The following CTXND1 variants were observed in gnomAD, a reference collection of about 807,000 sequenced individuals.
CTXND1 encodes cortexin domain-containing 1 protein.
chr15:80,230,885 C>T lies in CTXND1; in HGVS notation c.-218+21122G>A, dbSNP rs7170527. Among the ~76,000 whole-genome samples the T allele has an allele frequency of 3.0e-4, 45 of 151,772 alleles. 1 individual carries two copies. Among genetic ancestry groups the T allele is most frequent in the Admixed American group, 3.0e-3 (45 of 15,248 alleles). On this transcript the variant is annotated intron_variant, in intron 1 of 2. Transcript: ENST00000560778. ...CCAGCCTGGCCAACATGTTGAAACCCCATCTCTACTAAAAATACAAAAATT... is the reference window on the plus strand; with the variant it reads ...CCAGCCTGGCCAACATGTTGAAACCTCATCTCTACTAAAAATACAAAAATT...
rs1318495574 is a variant in CTXND1 at position 80,201,286 on chromosome 15, T to G, written c.*484A>C. The G allele has an allele frequency of 6.5e-6, 1 of 152,954 alleles. No homozygotes were observed. The highest frequency in any genetic ancestry group is 6.5e-5 in the Admixed American group (1 of 15,300). 9.5% of individuals were successfully genotyped at this position (152,954 alleles called of 1,614,324 possible). On this transcript the variant is annotated 3_prime_UTR_variant, in exon 3 of 3. Transcript: ENST00000560778. ...CCCTCAACCCGCTTTCCCCCCTCAC[T>G]GCCACACCACTGCTAGTCCATGGGG...
Position 80,201,481 on chromosome 15 carries a change from C to A in CTXND1, c.*289G>T, listed in dbSNP as rs11636963. The stretch of plus-strand genomic sequence containing the variant: ...GCCCAGGAACCTGGGAAGGTGACTA[C>A]CCTATCATCTCACAGGGACTCCCCA... On this transcript the variant is annotated 3_prime_UTR_variant, in exon 3 of 3. Coordinates refer to ENST00000560778, the MANE Select transcript of CTXND1 (RefSeq NM_001352888.2). The A allele has an allele frequency of 0.052, 15,710 of 300,560 alleles. 545 individuals are homozygous for A. Among genetic ancestry groups the A allele is most frequent in the Non-Finnish European group, 0.073 (11,929 of 163,948 alleles). The allele number at this position is 300,560 out of a possible 1,614,324, so 18.6% of individuals were successfully genotyped here.
chr15:80,246,101 T>A (rs1893625399), intron 1 of CTXND1, among the ~76,000 whole-genome samples: 1 of 152,152 alleles, frequency 6.6e-6, no homozygotes, highest in Non-Finnish European at 1.5e-5. Flanking sequence ...GTAATTTGTA[T>A]AATGAGAAAA....
At chr15:80,221,688 C>T (rs760774663) in intron 1 of CTXND1, among the ~76,000 whole-genome samples, 11 of 152,078 alleles carry the variant, frequency 7.2e-5, no homozygotes, top group Non-Finnish European at 1.3e-4. Context: ...CTAAAGGTGA[C>T]AGTTTAGTAA....
In CTXND1 at chr15:80,201,074, C is replaced by T. The variant is rs1329562501; in HGVS notation, c.*696G>A. Reference sequence around the variant, plus strand: ...AGAAAATATATCAAAATGGTGGTTTCCGGGAGGTGGGATTATAAGTGTTAT... The same window carrying T: ...AGAAAATATATCAAAATGGTGGTTTTCGGGAGGTGGGATTATAAGTGTTAT... On this transcript the variant is annotated 3_prime_UTR_variant, in exon 3 of 3. Transcript: ENST00000560778. The T allele has an allele frequency of 6.6e-6, 1 of 152,142 alleles. No homozygotes were observed. Among genetic ancestry groups the T allele is most frequent in the Admixed American group, 6.5e-5 (1 of 15,274 alleles). The allele number at this position is 152,142 out of a possible 1,614,324, so 9.4% of individuals were successfully genotyped here. A position where few individuals can be genotyped will look rare whatever the true frequency, so the allele number is the denominator to read the frequency against.
At chr15:80,235,295 GT>G (rs1174669975) in intron 1 of CTXND1, among the ~76,000 whole-genome samples, 1 of 152,168 alleles carries the variant, frequency 6.6e-6, no homozygotes, top group African/African-American at 2.4e-5. Flanking sequence ...TAGGGTAAAT[GT>G]TTTTCTCTCC....
In CTXND1 at chr15:80,208,364, A is replaced by G. The variant is rs149551641; in HGVS notation, c.-217-4624T>C. 9.0e-4 allele frequency among the ~76,000 whole-genome samples: 137 copies of G among 152,348 alleles called. 1 individual carries two copies. The highest frequency in any genetic ancestry group is 3.1e-3 in the African/African-American group (130 of 41,580). On this transcript the variant is annotated intron_variant, in intron 1 of 2. Transcript: ENST00000560778. ...AATATGATATCATTTATGTAAAATA[A>G]AAAGAAACTATAAATTTTTTATGTA...
chr15:80,220,913 T>TTA (rs1491304908), intron 1 of CTXND1, among the ~76,000 whole-genome samples: 3 of 87,002 alleles, frequency 3.4e-5, no homozygotes, highest in Middle Eastern at 7.4e-3. Flanking sequence ...ATTATTATTA[T>TTA]TTTTTTTTTT....
chr15:80,222,008 A>T (rs1893324590), intron 1 of CTXND1, among the ~76,000 whole-genome samples: 1 of 152,198 alleles, frequency 6.6e-6, no homozygotes, highest in South Asian at 2.1e-4. Flanking sequence ...ATATGTGTGT[A>T]TACATAGTCA....
At chr15:80,241,489 C>G (rs995084070) in intron 1 of CTXND1, among the ~76,000 whole-genome samples, 3 of 152,130 alleles carry the variant, frequency 2.0e-5, no homozygotes, top group African/African-American at 4.8e-5. Flanking sequence ...GAACTGAGGA[C>G]CCCCTTTTGG....
At chr15:80,250,028 A>G (rs1245622718) in intron 1 of CTXND1, among the ~76,000 whole-genome samples, 1 of 152,214 alleles carries the variant, frequency 6.6e-6, no homozygotes, top group Non-Finnish European at 1.5e-5. Flanking sequence ...TATTATGGCA[A>G]GACAGGATAC....
In CTXND1 at chr15:80,195,694, G is replaced by C. The variant is rs1361005380; in HGVS notation, c.*6076C>G. ...ATTAATCCATTCACTCCGCCCTCAT[G>C]GCCTAATCACCTCTCATTGGGCCCC... is the stretch of plus-strand genomic sequence containing the variant. On this transcript the variant is annotated 3_prime_UTR_variant, in exon 3 of 3. Transcript: ENST00000560778. The C allele has an allele frequency of 6.6e-6, 1 of 152,158 alleles. No individual in the cohort carries two copies. The highest frequency in any genetic ancestry group is 1.5e-5 in the Non-Finnish European group (1 of 68,038). 9.4% of individuals were successfully genotyped at this position (152,158 alleles called of 1,614,324 possible).
At chr15:80,250,694 C>G (rs896870259) in intron 1 of CTXND1, among the ~76,000 whole-genome samples, 1 of 152,202 alleles carries the variant, frequency 6.6e-6, no homozygotes, top group Non-Finnish European at 1.5e-5. Flanking sequence ...TTTTGCTTTT[C>G]CTCCGTAATG....
chr15:80,213,408 G>A (rs775681454), intron 1 of CTXND1, among the ~76,000 whole-genome samples: 12 of 152,072 alleles, frequency 7.9e-5, no homozygotes, highest in Non-Finnish European at 1.2e-4. Context: ...AAAAAGGACC[G>A]TGCAGATGTG....
chr15:80,219,389 G>A (rs544123963), intron 1 of CTXND1, among the ~76,000 whole-genome samples: 1 of 152,192 alleles, frequency 6.6e-6, no homozygotes, highest in African/African-American at 2.4e-5. Context: ...CTACTGCATA[G>A]TATTCTGTGG....
intron 1 of CTXND1, among the ~76,000 whole-genome samples, chr15:80,216,771 T>C (rs950527046): frequency 5.9e-5 from 9 of 152,072 alleles, no homozygotes; most frequent in African/African-American, 1.9e-4. Flanking sequence ...CACGCCACCA[T>C]GCCCAGCTAA....
intron 1 of CTXND1, among the ~76,000 whole-genome samples, chr15:80,251,566 C>G (rs188003434): frequency 1.3e-5 from 2 of 152,350 alleles, no homozygotes; most frequent in East Asian, 3.9e-4. Flanking sequence ...GATTCAGTTT[C>G]AACTCACACT....
At chr15:80,212,070 G>A (rs988369072) in intron 1 of CTXND1, among the ~76,000 whole-genome samples, 13 of 152,204 alleles carry the variant, frequency 8.5e-5, no homozygotes, top group African/African-American at 3.1e-4. Context: ...GCTAACTTGT[G>A]CAGGAGTATG....
intron 1 of CTXND1, among the ~76,000 whole-genome samples, chr15:80,216,602 A>ATTTT (rs1466085155): frequency 8.3e-6 from 1 of 120,804 alleles, no homozygotes; most frequent in South Asian, 3.2e-4. Flanking sequence ...CCCTTCCATT[A>ATTTT]TTTTATTTAT....
Sources: gnomAD v4.1 joint callset for allele counts (sites outside exome capture counted in the v4.1 genomes callset) on GRCh38, gnomAD v4.1.1 for gene constraint, MANE v1.5 for transcripts, NCBI Gene and HGNC (gene_info 2026-07-23, HGNC 2026-07-21) for gene names.